The following TMEM41B variants were observed in gnomAD, a reference collection of about 807,000 sequenced individuals.
The protein encoded by TMEM41B is transmembrane protein 41B, also known as protein stasimon.
In TMEM41B, 18 loss-of-function variants were observed where a neutral mutation model predicts 31.9. That is an observed-to-expected ratio of 0.56 (90% confidence interval 0.39 to 0.84). TMEM41B has a LOEUF of 0.84. Among genes scored for constraint, TMEM41B ranks in the 40% least tolerant of loss-of-function variants. TMEM41B has a pLI of 0.00. For missense variants in TMEM41B, 322 were observed against 348.0 expected (o/e 0.93, Z 0.59); for synonymous variants, 144 against 124.3 (o/e 1.16, Z -1.05).
At chr11:9,290,988 T>G (rs568106814) in intron 3 of TMEM41B, among the ~76,000 whole-genome samples, 76 of 152,124 alleles carry the variant, frequency 5.0e-4, no homozygotes, top group African/African-American at 1.6e-3. Context: ...CAGTGGCTCA[T>G]GCCTGTAATG....
intron 1 of TMEM41B, among the ~76,000 whole-genome samples, chr11:9,310,644 G>A (rs985518850): frequency 1.4e-5 from 2 of 140,152 alleles, no homozygotes; most frequent in Admixed American, 1.6e-4. Context: ...AAACCGATTA[G>A]GTTAAGAGCC....
chr11:9,314,420 C>G lies in TMEM41B; in HGVS notation c.22G>C (p.Glu8Gln), dbSNP rs745416679. Residue 8 changes from glutamate to glutamine, a missense_variant, in exon 1 of 7, where the codon GAA becomes CAA. Around this residue, in one of 3 missense-constraint regions of TMEM41B, gnomAD observed 183 missense variants for 175.3 expected, o/e 1.04. Transcript: ENST00000528080. MAKGRVAERSQLGAHHTT... is the reference protein window; with the variant it reads MAKGRVAQRSQLGAHHTT... ...TGGTGAGCGCCCAACTGCGATCGTT[C>G]GGCGACTCTGCCTTTCGCCATGGCT... The G allele has an allele frequency of 9.6e-6, 15 of 1,561,492 alleles. No homozygotes were observed. Among genetic ancestry groups the G allele is most frequent in the Non-Finnish European group, 1.2e-5 (14 of 1,152,600 alleles).
intron 1 of TMEM41B, among the ~76,000 whole-genome samples, chr11:9,306,499 G>A (rs1177008270): frequency 2.0e-5 from 3 of 151,606 alleles, no homozygotes; most frequent in South Asian, 2.1e-4. Flanking sequence ...TGGCTAACAC[G>A]GTGAAACCCC....
intron 2 of TMEM41B, among the ~76,000 whole-genome samples, chr11:9,295,785 C>A (rs759450529): frequency 1.6e-4 from 24 of 151,616 alleles, no homozygotes; most frequent in Non-Finnish European, 2.4e-4. Context: ...CCTCCTGCCT[C>A]GGCCTCCCAA....
chr11:9,307,384 T>A (rs1385706380), intron 1 of TMEM41B, among the ~76,000 whole-genome samples: 1 of 152,166 alleles, frequency 6.6e-6, no homozygotes. Flanking sequence ...ATTAAAAAAA[T>A]TAATTGAAAA....
At chr11:9,306,000 A>C (rs1383326869) in intron 1 of TMEM41B, among the ~76,000 whole-genome samples, 1 of 65,938 alleles carries the variant, frequency 1.5e-5, no homozygotes, top group Non-Finnish European at 3.0e-5. Context: ...TTTTTTTGAG[A>C]CAGAGTCCTG....
intron 3 of TMEM41B, among the ~76,000 whole-genome samples, chr11:9,290,808 G>A (rs1223285080): frequency 6.6e-6 from 1 of 152,112 alleles, no homozygotes; most frequent in Non-Finnish European, 1.5e-5. Context: ...AGAAACTAGT[G>A]TTATGATGCC....
Position 9,314,396 on chromosome 11 carries a change from G to A in TMEM41B, c.46C>T (p.His16Tyr), listed in dbSNP as rs1204270292. The stretch of plus-strand genomic sequence containing the variant: ...GCCCCGTCCCCCACGGGGGTCGTGT[G>A]GTGAGCGCCCAACTGCGATCGTTCG... ...VAERSQLGAH[H>Y]TTPVGDGAAG... is the part of the protein sequence containing the mutation. Residue 16 changes from histidine (H) to tyrosine (Y), a missense_variant, in exon 1 of 7, where the codon CAC (histidine) becomes TAC (tyrosine). By Grantham distance (83) the His-to-Tyr change is moderately conservative (BLOSUM62 2). Coordinates refer to ENST00000528080, the MANE Select transcript of TMEM41B (RefSeq NM_015012.4). The A allele has an allele frequency of 6.4e-7, 1 of 1,571,230 alleles. No homozygotes were observed. Among genetic ancestry groups the A allele is most frequent in the Non-Finnish European group, 8.6e-7 (1 of 1,158,532 alleles).
chr11:9,283,445 T>G lies in TMEM41B; in HGVS notation c.855A>C (p.Lys285Asn). The G allele has an allele frequency of 1.3e-6, 2 of 1,591,592 alleles. No individual in the cohort carries two copies. The highest frequency in any genetic ancestry group is 2.3e-5 in the South Asian group (2 of 86,524). ...LSILPAIFQK[K>N]LKQKFE ...ATTTTTACTCAAATTTCTGCTTTAG[T>G]TTTTTTTGGAAGATGGCTGGCAGAA... Residue 285 changes from lysine to asparagine, a missense_variant, in exon 7 of 7, where the codon AAA (lysine) becomes AAC (asparagine). Coordinates refer to ENST00000528080, the MANE Select transcript of TMEM41B (RefSeq NM_015012.4).
intron 1 of TMEM41B, among the ~76,000 whole-genome samples, chr11:9,306,325 C>T (rs1853394927): frequency 6.6e-6 from 1 of 152,030 alleles, no homozygotes; most frequent in Admixed American, 6.6e-5. Flanking sequence ...ATACTAATTC[C>T]CAGTCTGAAT....
intron 1 of TMEM41B, among the ~76,000 whole-genome samples, chr11:9,313,823 C>T (rs1480953060): frequency 6.6e-6 from 1 of 152,066 alleles, no homozygotes; most frequent in East Asian, 1.9e-4. Context: ...TTGAAAGTTA[C>T]CAAGTCCAAG....
At chr11:9,286,344 C>G (rs1852836724) in intron 6 of TMEM41B, 111 bp downstream of exon 6, 4 of 1,135,488 alleles carry the variant, frequency 3.5e-6, no homozygotes, top group Admixed American at 2.6e-5. Flanking sequence ...CCCAAGAATT[C>G]TAGATGGTGC....
chr11:9,304,161 T>C (rs1853324169), intron 1 of TMEM41B, among the ~76,000 whole-genome samples: 1 of 152,170 alleles, frequency 6.6e-6, no homozygotes, highest in Non-Finnish European at 1.5e-5. Flanking sequence ...CCCACAGACG[T>C]ATTGATATGT....
intron 1 of TMEM41B, among the ~76,000 whole-genome samples, chr11:9,312,409 G>A (rs1191983400): frequency 1.3e-5 from 2 of 152,244 alleles, no homozygotes. Flanking sequence ...GCTGAGGTGG[G>A]AAGATCGCAT....
rs966626770 is a variant in TMEM41B, at chr11:9,281,263, G to A, written c.*2161C>T. 6.6e-6 allele frequency: 1 copy of A among 152,010 alleles called. No homozygotes were observed. The highest frequency in any genetic ancestry group is 1.9e-4 in the East Asian group (1 of 5,202). 9.4% of individuals were successfully genotyped at this position (152,010 alleles called of 1,614,324 possible). A position where few individuals can be genotyped will look rare whatever the true frequency, so the allele number is the denominator to read the frequency against. On this transcript the variant is annotated 3_prime_UTR_variant, in exon 7 of 7. Transcript: ENST00000528080. ...ATATTTAGTGAATTTGTCCAAAAAG[G>A]CTATGTTTAATTTATGTGTAAAAAT... is the stretch of plus-strand genomic sequence containing the variant.
At position 9,281,005 on chromosome 11, in the gene TMEM41B, C is replaced by G. The variant is rs1852707508; in HGVS notation, c.*2419G>C. 1 of 151,842 alleles carries G rather than the reference C, an allele frequency of 6.6e-6. No homozygotes were observed. Among genetic ancestry groups the G allele is most frequent in the Non-Finnish European group, 1.5e-5 (1 of 68,016 alleles). The allele number at this position is 151,842 out of a possible 1,614,324, so 9.4% of individuals were successfully genotyped here. ...TGAATCTGGAAAAACTGTCTATTCT[C>G]TTAGGAGAAGAAAATATACCCCACC... On this transcript the variant is annotated 3_prime_UTR_variant, in exon 7 of 7. Coordinates refer to ENST00000528080, the MANE Select transcript of TMEM41B (RefSeq NM_015012.4).
chr11:9,286,645 A>T (rs775614034), intron 5 of TMEM41B, 52 bp from the exon 6 acceptor site: 1 of 1,539,884 alleles, frequency 6.5e-7, no homozygotes, highest in Non-Finnish European at 8.7e-7. Context: ...CTTCAAAATA[A>T]GTTGCTTAAT....
intron 6 of TMEM41B, among the ~76,000 whole-genome samples, chr11:9,285,682 G>T (rs1852820317): frequency 6.6e-6 from 1 of 151,766 alleles, no homozygotes; most frequent in African/African-American, 2.4e-5. Flanking sequence ...CCATACTTTT[G>T]ATAACATCCG....
chr11:9,290,206 G>A (rs769443964), intron 3 of TMEM41B, among the ~76,000 whole-genome samples: 6 of 152,054 alleles, frequency 3.9e-5, no homozygotes, highest in Non-Finnish European at 7.4e-5. Context: ...TGGTGAAACC[G>A]TCTCTACTAA....
Sources: allele counts gnomAD v4.1 joint callset (sites outside exome capture counted in the v4.1 genomes callset), GRCh38; gene constraint gnomAD v4.1.1; regional missense constraint gnomAD v4.1.1; transcripts MANE v1.5; gene names NCBI Gene and HGNC (gene_info 2026-07-23, HGNC 2026-07-21).